The following DLEC1 variants were observed in gnomAD, a reference collection of about 807,000 sequenced individuals.
DLEC1 encodes the protein DLEC1 cilia and flagella associated protein.
In DLEC1, 146 loss-of-function variants were observed where a neutral mutation model predicts 198.1. The ratio of observed to expected loss-of-function variants is 0.74; its 90% CI spans 0.64 to 0.85. The LOEUF (loss-of-function observed/expected upper bound fraction) is 0.85. Among genes scored for constraint, DLEC1 ranks in the 40% least tolerant of loss-of-function variants. The pLI, the probability that DLEC1 is intolerant of heterozygous loss-of-function variation, is 0.00. For missense variants in DLEC1, 2,233 were observed against 2,220.0 expected (o/e 1.01, Z -0.12); for synonymous variants, 897 against 866.8 (o/e 1.03, Z -0.61).
In DLEC1 at chr3:38,096,550, AC is replaced by A. The variant is rs1699029616; in HGVS notation, c.2172-18del. On this transcript the variant is annotated intron_variant, in intron 14 of 36. Transcript: ENST00000308059. ...TTCCAGGTGTGCCGGCTCCTAGCTA[AC>A]GGTGGGTTTGTGTTTAGTTCAGAAG... 6.2e-7 allele frequency: 1 copy of A among 1,604,086 alleles called. No individual in the cohort carries two copies. Among genetic ancestry groups the A allele is most frequent in the South Asian group, 1.1e-5 (1 of 89,966 alleles).
At chr3:38,106,262 G>T (rs555869390) in intron 19 of DLEC1, among the ~76,000 whole-genome samples, 1 of 152,206 alleles carries the variant, frequency 6.6e-6, no homozygotes, top group African/African-American at 2.4e-5. Flanking sequence ...ATCAGTCAAG[G>T]CTTAATATTT....
chr3:38,095,729 A>G, intron 13 of DLEC1, 159 bp from the exon 14 acceptor site: 1 of 801,766 alleles, frequency 1.2e-6, no homozygotes, highest in Non-Finnish European at 2.0e-6. Flanking sequence ...ACTTTTCCTA[A>G]GGAGGGGAGG....
chr3:38,069,461 A>C (rs1697200139), intron 6 of DLEC1, among the ~76,000 whole-genome samples: 1 of 152,168 alleles, frequency 6.6e-6, no homozygotes, highest in Admixed American at 6.5e-5. Context: ...TAGGTAAAAA[A>C]CAGCAAACCA....
chr3:38,122,859 C>A lies in DLEC1; in HGVS notation c.*447C>A. 1.3e-6 allele frequency: 1 copy of A among 779,372 alleles called. No individual in the cohort carries two copies. Among genetic ancestry groups the A allele is most frequent in the South Asian group, 1.8e-5 (1 of 54,420 alleles). The allele number at this position is 779,372 out of a possible 1,614,324, so 48.3% of individuals were successfully genotyped here. A position where few individuals can be genotyped will look rare whatever the true frequency, so the allele number is the denominator to read the frequency against. On this transcript the variant is annotated 3_prime_UTR_variant, in exon 37 of 37. Transcript: ENST00000308059. ...AAAGAGGGTCTGATGGGTGGCTCAACACCCCACCCACTCCTATACCATGTC... is the reference window on the plus strand; with the variant it reads ...AAAGAGGGTCTGATGGGTGGCTCAAAACCCCACCCACTCCTATACCATGTC...
intron 23 of DLEC1, among the ~76,000 whole-genome samples, chr3:38,110,817 CACAT>C (rs373541004): frequency 2.5e-4 from 38 of 152,192 alleles, no homozygotes; most frequent in African/African-American, 6.0e-4. Flanking sequence ...CATGCATACA[CACAT>C]ACATATACAC....
At chr3:38,078,178 C>A (rs1223074159) in intron 6 of DLEC1, among the ~76,000 whole-genome samples, 2 of 152,038 alleles carry the variant, frequency 1.3e-5, no homozygotes, top group African/African-American at 4.8e-5. Context: ...GGGCCAGGAA[C>A]AATGGTAACT....
chr3:38,046,687 A>G (rs1700901015), intron 2 of DLEC1, among the ~76,000 whole-genome samples: 1 of 152,086 alleles, frequency 6.6e-6, no homozygotes, highest in South Asian at 2.1e-4. Flanking sequence ...CCCCAGCACC[A>G]TTTGTCAGGG....
chr3:38,068,875 C>T (rs750707557), intron 6 of DLEC1, among the ~76,000 whole-genome samples: 6 of 152,172 alleles, frequency 3.9e-5, no homozygotes, highest in Non-Finnish European at 8.8e-5. Flanking sequence ...ATAGCAATTA[C>T]TTAGTAACTT....
intron 19 of DLEC1, among the ~76,000 whole-genome samples, chr3:38,105,911 T>C (rs1699544862): frequency 6.6e-6 from 1 of 152,220 alleles, no homozygotes; most frequent in African/African-American, 2.4e-5. Flanking sequence ...TAGTATGCCA[T>C]TTTAATTTCC....
At chr3:38,060,398 A>G (rs1341565018) in intron 3 of DLEC1, among the ~76,000 whole-genome samples, 1 of 152,042 alleles carries the variant, frequency 6.6e-6, no homozygotes, top group Non-Finnish European at 1.5e-5. Context: ...GCAGCGAGTT[A>G]GACTTATGGA....
intron 7 of DLEC1, 138 bp from the exon 8 acceptor site, chr3:38,085,136 C>T: frequency 1.1e-6 from 1 of 900,212 alleles, no homozygotes; most frequent in African/African-American, 1.7e-5. Context: ...ATGCCCTTTT[C>T]CTGCCATCAG....
Position 38,107,850 on chromosome 3 carries a change from C to T in DLEC1, c.3018+113C>T. The T allele has an allele frequency of 7.5e-6, 9 of 1,196,044 alleles. No homozygotes were observed. In the South Asian group the frequency reaches 1.3e-4, roughly 18 times the overall value. 74.1% of individuals were successfully genotyped at this position (1,196,044 alleles called of 1,614,324 possible). ...TCACAGAACAGAGATACTCAGCCTC[C>T]CTCCCACAGCCTGTCCCTTGCTCGT... On this transcript the variant is annotated intron_variant, in intron 20 of 36. Coordinates refer to ENST00000308059, the MANE Select transcript of DLEC1 (RefSeq NM_007335.4).
chr3:38,116,938 G>C, intron 29 of DLEC1, 37 bp from the exon 30 acceptor site: 1 of 1,612,584 alleles, frequency 6.2e-7, no homozygotes, highest in Non-Finnish European at 8.5e-7. Context: ...CGGCCAGTGG[G>C]CATGGGACAG....
intron 12 of DLEC1, among the ~76,000 whole-genome samples, chr3:38,094,436 G>A (rs931178966): frequency 1.3e-5 from 2 of 152,178 alleles, no homozygotes; most frequent in African/African-American, 4.8e-5. Flanking sequence ...TCTGGACACA[G>A]CTCTCCTGGG....
intron 12 of DLEC1, 43 bp downstream of exon 12, chr3:38,093,810 T>C: frequency 1.2e-6 from 2 of 1,606,082 alleles, no homozygotes; most frequent in Non-Finnish European, 1.7e-6. Flanking sequence ...ACCCTTCTTC[T>C]TGCTTACCTG....
chr3:38,069,331 G>T (rs1697192808), intron 6 of DLEC1, among the ~76,000 whole-genome samples: 1 of 152,102 alleles, frequency 6.6e-6, no homozygotes, highest in Admixed American at 6.5e-5. Context: ...CCTATTTTAT[G>T]AAACTATTTC....
Position 38,039,562 on chromosome 3 carries a change from G to A in DLEC1, c.337G>A (p.Val113Met), listed in dbSNP as rs1700555461. Reference protein sequence around the residue: ...LYSAEVIGDEVSASLIKARGS... With the variant: ...LYSAEVIGDEMSASLIKARGS... ...CTCAGCCGAGGTCATCGGCGACGAA[G>A]TGAGCGCAAGCTTGATCAAGGCCCG... Residue 113 changes from valine to methionine, a missense_variant, in exon 1 of 37, where the codon GTG becomes ATG. Coordinates refer to ENST00000308059, the MANE Select transcript of DLEC1 (RefSeq NM_007335.4). 2 of 1,613,956 alleles carry A rather than the reference G, an allele frequency of 1.2e-6. No individual in the cohort carries two copies. Among genetic ancestry groups the A allele is most frequent in the Non-Finnish European group, 1.7e-6 (2 of 1,179,934 alleles).
chr3:38,083,979 T>C (rs1404180364), intron 6 of DLEC1, among the ~76,000 whole-genome samples, 179 bp from the exon 7 acceptor site: 1 of 152,092 alleles, frequency 6.6e-6, no homozygotes. Flanking sequence ...CAAAAGTACA[T>C]AGGATGGCAT....
intron 26 of DLEC1, among the ~76,000 whole-genome samples, 174 bp from the exon 27 acceptor site, chr3:38,114,809 A>G (rs896034475): frequency 1.3e-5 from 2 of 152,156 alleles, no homozygotes; most frequent in African/African-American, 2.4e-5. Context: ...CCCAGAGCCC[A>G]GCTCACCTGG....
Sources: allele counts gnomAD v4.1 joint callset (sites outside exome capture counted in the v4.1 genomes callset), GRCh38; gene constraint gnomAD v4.1.1; transcripts MANE v1.5; gene names NCBI Gene and HGNC (gene_info 2026-07-23, HGNC 2026-07-21).